The following ATG7 variants were observed in gnomAD, a reference collection of about 807,000 sequenced individuals.
The protein encoded by ATG7 is autophagy related 7, also known as ubiquitin-like modifier-activating enzyme ATG7.
A neutral mutation model predicts 82.4 loss-of-function variants in ATG7; 70 were observed. That is an observed-to-expected ratio of 0.85 (90% CI 0.70 to 1.04). The LOEUF is 1.04. Ranked by LOEUF, ATG7 falls within the 50% of genes least tolerant of loss-of-function variation. The pLI is 0.00. For missense variants in ATG7, 792 were observed against 864.3 expected, an observed-to-expected ratio of 0.92 and a Z score of 1.05; for synonymous variants, 287 against 313.0, an observed-to-expected ratio of 0.92 and a Z score of 0.88.
At chr3:11,522,462 T>A (rs2092467015) in intron 20 of ATG7, among the ~76,000 whole-genome samples, 1 of 147,658 alleles carries the variant, frequency 6.8e-6, no homozygotes, top group African/African-American at 2.4e-5. Context: ...GCTCACGATT[T>A]ATTAGTGAGA....
intron 20 of ATG7, chr3:11,446,550 A>C (rs1175789142): frequency 2.3e-6 from 1 of 439,766 alleles, no homozygotes; most frequent in East Asian, 7.4e-5. Context: ...CTGTGACAAA[A>C]CACACATCCA....
intron 18 of ATG7, among the ~76,000 whole-genome samples, chr3:11,378,027 A>ATTTTTTTTTTTTTTTTTTT (rs61176051): frequency 0.014 from 1,255 of 92,610 alleles, 156 homozygotes; most frequent in African/African-American, 0.021. Flanking sequence ...CCAGTTACCA[A>ATTTTTTTTTTTTTTTTTTT]TTTTTTTTTT....
intron 18 of ATG7, among the ~76,000 whole-genome samples, chr3:11,377,260 T>TAA (rs2077490239): frequency 6.6e-6 from 1 of 152,200 alleles, no homozygotes; most frequent in African/African-American, 2.4e-5. Flanking sequence ...TTGTGGGCCT[T>TAA]CTGATACAAA....
chr3:11,284,747 T>C (rs1347811379), intron 3 of ATG7, among the ~76,000 whole-genome samples: 1 of 151,956 alleles, frequency 6.6e-6, no homozygotes, highest in African/African-American at 2.4e-5. Flanking sequence ...GGAGATGATA[T>C]CTTACTATGT....
chr3:11,490,373 G>A (rs372904554), intron 20 of ATG7, among the ~76,000 whole-genome samples: 16 of 152,144 alleles, frequency 1.1e-4, no homozygotes, highest in South Asian at 2.1e-4. Context: ...GTCTCTGCAC[G>A]TGACATGGGT....
downstream of ATG7, chr3:11,557,789 T>TAACA (rs576886185): frequency 3.5e-4 from 54 of 152,774 alleles, no homozygotes; most frequent in Admixed American, 3.0e-3. Flanking sequence ...AGCTCTAGTC[T>TAACA]AACAAACTGC....
chr3:11,480,755 C>G (rs1040731486), intron 20 of ATG7, among the ~76,000 whole-genome samples: 2 of 152,184 alleles, frequency 1.3e-5, no homozygotes, highest in Non-Finnish European at 2.9e-5. Flanking sequence ...AATTCACTGC[C>G]AAGTCACACA....
chr3:11,500,160 C>T (rs965207906), intron 20 of ATG7, among the ~76,000 whole-genome samples: 14 of 152,124 alleles, frequency 9.2e-5, no homozygotes, highest in Non-Finnish European at 1.9e-4. Flanking sequence ...AGCAGCAACG[C>T]GCAACATAAA....
intron 18 of ATG7, among the ~76,000 whole-genome samples, chr3:11,374,983 G>A (rs967777474): frequency 2.7e-5 from 4 of 148,730 alleles, no homozygotes; most frequent in South Asian, 2.1e-4. Flanking sequence ...TGGGAGGATC[G>A]CTTGAGCCCT....
chr3:11,421,837 G>A (rs949765882), intron 19 of ATG7, among the ~76,000 whole-genome samples: 2 of 152,164 alleles, frequency 1.3e-5, no homozygotes, highest in Non-Finnish European at 2.9e-5. Context: ...CTGCAGAAAT[G>A]GATATTGTCT....
chr3:11,523,352 C>T (rs2092490163), intron 20 of ATG7, among the ~76,000 whole-genome samples: 1 of 152,246 alleles, frequency 6.6e-6, no homozygotes, highest in Admixed American at 6.5e-5. Flanking sequence ...TTGCCCTCCA[C>T]CTTGGTGACC....
chr3:11,326,952 A>G (rs1950969675), intron 9 of ATG7, among the ~76,000 whole-genome samples: 1 of 152,228 alleles, frequency 6.6e-6, no homozygotes, highest in Non-Finnish European at 1.5e-5. Context: ...GAAAGAAGGA[A>G]GGAAAAGGAA....
At chr3:11,383,143 C>T (rs779426275) in intron 19 of ATG7, among the ~76,000 whole-genome samples, 16 of 152,176 alleles carry the variant, frequency 1.1e-4, no homozygotes, top group Non-Finnish European at 1.8e-4. Context: ...GTTGTTTATA[C>T]CAGTTAATGT....
chr3:11,292,169 G>A (rs1029781550), intron 3 of ATG7, among the ~76,000 whole-genome samples: 2 of 152,168 alleles, frequency 1.3e-5, no homozygotes, highest in Non-Finnish European at 2.9e-5. Context: ...CTTCAGAGTG[G>A]CGTGAATCTG....
At chr3:11,370,972 G>T (rs919754652) in intron 18 of ATG7, among the ~76,000 whole-genome samples, 1 of 150,994 alleles carries the variant, frequency 6.6e-6, no homozygotes, top group African/African-American at 2.4e-5. Flanking sequence ...TTTGCCACTT[G>T]GTAGCTGTGG....
intron 20 of ATG7, among the ~76,000 whole-genome samples, chr3:11,535,157 C>A (rs1476875073): frequency 6.6e-6 from 1 of 152,230 alleles, no homozygotes; most frequent in Non-Finnish European, 1.5e-5. Flanking sequence ...AATATTTCAT[C>A]CTTCGGGGCC....
At chr3:11,285,171 C>CTT (rs768654707) in intron 3 of ATG7, among the ~76,000 whole-genome samples, 3 of 118,352 alleles carry the variant, frequency 2.5e-5, no homozygotes, top group Admixed American at 9.2e-5. Context: ...AAAGCCCGGC[C>CTT]TTTTTTTTTT....
At chr3:11,470,380 C>T (rs145616987) in intron 20 of ATG7, among the ~76,000 whole-genome samples, 1 of 152,304 alleles carries the variant, frequency 6.6e-6, no homozygotes, top group East Asian at 1.9e-4. Context: ...GTACTGAACA[C>T]TGTGGGCAAC....
intron 19 of ATG7, among the ~76,000 whole-genome samples, chr3:11,416,655 GT>G (rs1447653824): frequency 1.3e-5 from 2 of 152,018 alleles, no homozygotes; most frequent in Non-Finnish European, 2.9e-5. Context: ...CTAGCTTTTG[GT>G]TTTATTGATT....
Sources: gnomAD v4.1 joint callset for allele counts (sites outside exome capture counted in the v4.1 genomes callset) on GRCh38, gnomAD v4.1.1 for gene constraint, MANE v1.5 for transcripts, NCBI Gene and HGNC (gene_info 2026-07-23, HGNC 2026-07-21) for gene names.